KIFAP3: variants seen among roughly 807,000 people sequenced by gnomAD.
KIFAP3 encodes kinesin associated protein 3, also known as kinesin-associated protein 3.
In KIFAP3, 68 loss-of-function variants were observed where a neutral mutation model predicts 106.5. The ratio of observed to expected loss-of-function variants is 0.64; its 90% CI spans 0.53 to 0.78. The LOEUF is 0.78. Ranked by LOEUF, KIFAP3 falls within the 30% of genes least tolerant of loss-of-function variation. The probability of loss-of-function intolerance (pLI) is 0.00; values close to 1 mark genes in which losing one functional copy is unlikely to be tolerated. For missense variants in KIFAP3, 780 were observed against 941.8 expected, an observed-to-expected ratio of 0.83 and a Z score of 2.25; for synonymous variants, 320 against 311.5, an observed-to-expected ratio of 1.03 and a Z score of -0.29.
intron 10 of KIFAP3, among the ~76,000 whole-genome samples, chr1:170,000,849 C>T (rs1051321364): frequency 3.3e-5 from 5 of 151,950 alleles, no homozygotes; most frequent in Admixed American, 2.0e-4. Context: ...GAAAAAATAA[C>T]ATAATTTATA....
intron 10 of KIFAP3, among the ~76,000 whole-genome samples, chr1:169,995,465 TCTTA>T (rs1397851756): frequency 3.3e-5 from 5 of 152,134 alleles, no homozygotes; most frequent in Admixed American, 2.0e-4. Flanking sequence ...TAAGTCCTAG[TCTTA>T]CTTAATTTTT....
chr1:169,927,861 T>G (rs1413694837), intron 19 of KIFAP3, among the ~76,000 whole-genome samples: 1 of 152,176 alleles, frequency 6.6e-6, no homozygotes, highest in Non-Finnish European at 1.5e-5. Flanking sequence ...AAGCTTTTCA[T>G]AAACCTGCTA....
At chr1:170,023,402 A>T (rs1383465908) in intron 9 of KIFAP3, among the ~76,000 whole-genome samples, 1 of 152,064 alleles carries the variant, frequency 6.6e-6, no homozygotes, top group African/African-American at 2.4e-5. Context: ...CATTCAGACT[A>T]TCTAAAGGAG....
At chr1:170,008,672 G>A (rs1668093451) in intron 10 of KIFAP3, among the ~76,000 whole-genome samples, 1 of 152,220 alleles carries the variant, frequency 6.6e-6, no homozygotes, top group Admixed American at 6.5e-5. Flanking sequence ...ACTGTTGGTG[G>A]AAGTGTAAAT....
At position 170,039,239 on chromosome 1, in the gene KIFAP3, T is replaced by A; in HGVS notation, c.369A>T (p.Gly123=). 1.3e-6 allele frequency: 2 copies of A among 1,598,456 alleles called. No individual in the cohort carries two copies. The highest frequency in any genetic ancestry group is 2.7e-5 in the African/African-American group (2 of 74,648). The change falls in exon 4 of 20, where the codon GGA becomes GGT. Residue 123 remains glycine, a synonymous_variant. Coordinates refer to ENST00000361580, the MANE Select transcript of KIFAP3 (RefSeq NM_014970.4). ...AGAATGCATGCAGTCTTACCTCCATTCCTTCAAAAGGAGGTGGATCTTTAG... is the reference window on the plus strand; with the variant it reads ...AGAATGCATGCAGTCTTACCTCCATACCTTCAAAAGGAGGTGGATCTTTAG... The part of the protein sequence containing the change: ...SKPKDPPPFE[G]MEIDEVANIN...
intron 9 of KIFAP3, among the ~76,000 whole-genome samples, chr1:170,020,205 T>C (rs185874774): frequency 3.1e-4 from 47 of 152,342 alleles, no homozygotes; most frequent in Admixed American, 2.4e-3. Context: ...AAATCCAATA[T>C]GGTCAATATA....
chr1:170,074,726 T>G, upstream of KIFAP3: 1 of 1,366,334 alleles, frequency 7.3e-7, no homozygotes, highest in Non-Finnish European at 9.5e-7. Context: ...ATGCGCTTGC[T>G]CTGCACCTCT....
chr1:169,991,283 C>T (rs1338060595), intron 11 of KIFAP3, among the ~76,000 whole-genome samples: 2 of 151,490 alleles, frequency 1.3e-5, no homozygotes, highest in Non-Finnish European at 2.9e-5. Flanking sequence ...GGTATGAAGG[C>T]TCCAGTGAGC....
chr1:170,034,585 TG>T, intron 6 of KIFAP3, 89 bp from the exon 7 acceptor site: 1 of 589,230 alleles, frequency 1.7e-6, no homozygotes. Context: ...GTACGAACCA[TG>T]TAGAAAATAA....
intron 1 of KIFAP3, among the ~76,000 whole-genome samples, chr1:170,055,872 C>T (rs930761892): frequency 1.3e-5 from 2 of 152,108 alleles, no homozygotes; most frequent in Admixed American, 6.6e-5. Flanking sequence ...TGGCTCACAC[C>T]TGTAATCCCA....
upstream of KIFAP3, among the ~76,000 whole-genome samples, chr1:170,077,661 A>G (rs1671946186): frequency 6.6e-6 from 1 of 152,210 alleles, no homozygotes; most frequent in Non-Finnish European, 1.5e-5. Flanking sequence ...CTGCACAATC[A>G]TAGAGCAGTT....
At chr1:169,936,904 C>A (rs1663836536) in intron 19 of KIFAP3, among the ~76,000 whole-genome samples, 3 of 150,408 alleles carry the variant, frequency 2.0e-5, no homozygotes. Context: ...ATTCTATTTA[C>A]ACTAGAATAA....
In KIFAP3 at chr1:170,014,189, T is replaced by C. The variant is rs532985506; in HGVS notation, c.1183+2273A>G. On this transcript the variant is annotated intron_variant, in intron 10 of 19. Transcript: ENST00000361580. ...TCAAATAGAATACATCAGATTAATT[T>C]CCCTTGAGCAGATTTCTGATTATAA... Among the ~76,000 whole-genome samples the C allele has an allele frequency of 2.0e-4, 30 of 152,302 alleles. No homozygotes were observed. The South Asian group carries it at 6.2e-3, about 32-fold the overall frequency.
intron 1 of KIFAP3, among the ~76,000 whole-genome samples, chr1:170,073,553 T>C (rs59916635): frequency 0.11 from 16,001 of 152,256 alleles, 999 homozygotes; most frequent in East Asian, 0.19. Context: ...TTCGTCCTTG[T>C]ATCTCTCAGA....
At chr1:169,964,844 T>A (rs1665522163) in intron 17 of KIFAP3, among the ~76,000 whole-genome samples, 1 of 152,216 alleles carries the variant, frequency 6.6e-6, no homozygotes, top group Non-Finnish European at 1.5e-5. Context: ...AAGATTCATA[T>A]AACTTCACAA....
chr1:170,035,899 G>A (rs932313141), intron 5 of KIFAP3, among the ~76,000 whole-genome samples: 4 of 151,544 alleles, frequency 2.6e-5, no homozygotes, highest in Non-Finnish European at 4.4e-5. Flanking sequence ...CTTCAGTACT[G>A]ATTTTTTTCT....
At chr1:170,046,166 T>C (rs1329655071) in intron 3 of KIFAP3, among the ~76,000 whole-genome samples, 2 of 135,224 alleles carry the variant, frequency 1.5e-5, no homozygotes, top group Non-Finnish European at 3.1e-5. Context: ...TTTTCTCTCA[T>C]CTCCTAGTTT....
At chr1:169,934,649 A>G (rs1466277266) in intron 19 of KIFAP3, among the ~76,000 whole-genome samples, 2 of 152,128 alleles carry the variant, frequency 1.3e-5, no homozygotes, top group African/African-American at 2.4e-5. Flanking sequence ...GTTTGTGCCA[A>G]CCTGACAATC....
At chr1:169,925,451 T>C (rs931654909) in intron 19 of KIFAP3, among the ~76,000 whole-genome samples, 2 of 152,006 alleles carry the variant, frequency 1.3e-5, no homozygotes. Context: ...AGAAAAATTA[T>C]ATTTAAAACC....
Sources: gnomAD v4.1 joint callset for allele counts (sites outside exome capture counted in the v4.1 genomes callset) on GRCh38, gnomAD v4.1.1 for gene constraint, MANE v1.5 for transcripts, NCBI Gene and HGNC (gene_info 2026-07-23, HGNC 2026-07-21) for gene names.